TFEB: variants seen among roughly 807,000 people sequenced by gnomAD.
TFEB encodes transcription factor EB.
Under a neutral mutation model 48.0 loss-of-function variants are expected in TFEB, and 12 were observed. The observed-to-expected ratio is 0.25, with a 90% CI of 0.16 to 0.40. The LOEUF (loss-of-function observed/expected upper bound fraction) is 0.40, where lower values mean the gene tolerates loss of function less well. TFEB is among the 10% of genes least tolerant of loss of function. The pLI is 1.00. For missense variants in TFEB, 509 were observed against 640.3 expected (o/e 0.79, Z 2.21); for synonymous variants, 244 against 261.4 (o/e 0.93, Z 0.64).
At chr6:41,733,486 A>G (rs752540614) in intron 1 of TFEB, 19 of 366,156 alleles carry the variant, frequency 5.2e-5, no homozygotes, top group Non-Finnish European at 6.1e-5. Flanking sequence ...GGTAAGCACC[A>G]TTGGCTTCCC....
rs1357535789 is a variant in TFEB, at chr6:41,689,831, A to C, written c.469-20T>G. 5 of 1,608,154 alleles carry C rather than the reference A, an allele frequency of 3.1e-6. No individual in the cohort carries two copies. Among genetic ancestry groups the C allele is most frequent in the Non-Finnish European group, 4.3e-6 (5 of 1,175,238 alleles). On this transcript the variant is annotated intron_variant, in intron 3 of 8. Coordinates refer to ENST00000373033, the MANE Select transcript of TFEB (RefSeq NM_001271944.2). ...ATCCAACTGGAAAAGAGAAAAGTCC[A>C]TCTGGGGAGGGCCCACCACGAGGTG...
chr6:41,687,883 G>A (rs781593328), intron 5 of TFEB, 25 bp downstream of exon 5: 1 of 1,610,832 alleles, frequency 6.2e-7, no homozygotes, highest in Non-Finnish European at 8.5e-7. Flanking sequence ...GTATTCAAAG[G>A]CACAGGGGTA....
At position 41,684,089 on chromosome 6, in the gene TFEB, G is replaced by A. The variant is rs906737653; in HGVS notation, c.*510C>T. Reference sequence around the variant, plus strand: ...GCCCCCGCGCTCACACCACCTGGTGGAGAGCTATTAGCACCAAAGTGGGGG... The same window carrying A: ...GCCCCCGCGCTCACACCACCTGGTGAAGAGCTATTAGCACCAAAGTGGGGG... On this transcript the variant is annotated 3_prime_UTR_variant, in exon 9 of 9. Transcript: ENST00000373033. 4.3e-6 allele frequency: 1 copy of A among 231,946 alleles called. No homozygotes were observed. Among genetic ancestry groups the A allele is most frequent in the Non-Finnish European group, 8.5e-6 (1 of 117,050 alleles). The allele number at this position is 231,946 out of a possible 1,614,324, so 14.4% of individuals were successfully genotyped here. A position where few individuals can be genotyped will look rare whatever the true frequency, so the allele number is the denominator to read the frequency against.
chr6:41,715,949 C>T lies in TFEB; in HGVS notation c.-23+19401G>A, dbSNP rs147707473. Among the ~76,000 whole-genome samples the T allele has an allele frequency of 3.1e-3, 465 of 152,266 alleles. 9 individuals are homozygous for T. The East Asian group carries it at 0.044, about 14-fold the overall frequency. On this transcript the variant is annotated intron_variant, in intron 1 of 8. Coordinates refer to ENST00000373033, the MANE Select transcript of TFEB (RefSeq NM_001271944.2). ...TGGTGCCTGGCTATAACAACTTCCT[C>T]TGAGCCCCACTGCAAGCCTCATCTC...
At chr6:41,704,100 A>C (rs1251410937) in intron 1 of TFEB, among the ~76,000 whole-genome samples, 1 of 152,096 alleles carries the variant, frequency 6.6e-6, no homozygotes, top group East Asian at 1.9e-4. Context: ...TTCCTCTAGA[A>C]CTACTCCCAT....
chr6:41,689,957 G>T, intron 3 of TFEB, 146 bp from the exon 4 acceptor site: 1 of 624,884 alleles, frequency 1.6e-6, no homozygotes, highest in Non-Finnish European at 2.9e-6. Flanking sequence ...TAGGCCCAGA[G>T]AAGAGATGAG....
Position 41,734,443 on chromosome 6 carries a change from G to C in TFEB, c.-23+907C>G. The C allele has an allele frequency of 2.1e-6, 2 of 935,666 alleles. No homozygotes were observed. Among genetic ancestry groups the C allele is most frequent in the South Asian group, 9.9e-5 (2 of 20,256 alleles). The allele number at this position is 935,666 out of a possible 1,614,324, so 58.0% of individuals were successfully genotyped here. A position where few individuals can be genotyped will look rare whatever the true frequency, so the allele number is the denominator to read the frequency against. ...GAGGGGGCCGAGCTGGCATCTGCCC[G>C]CTCCCTTCCAGGAGGCGAGCGGACG... On this transcript the variant is annotated intron_variant, in intron 1 of 8. Transcript: ENST00000373033. This position sits in a 1 kb window ranked among gnomAD's most constrained non-coding sequence, Gnocchi z 4.0.
At chr6:41,689,678 G>A (rs1258547027) in intron 4 of TFEB, 53 bp downstream of exon 4, 7 of 1,435,542 alleles carry the variant, frequency 4.9e-6, no homozygotes, top group Non-Finnish European at 6.9e-6. Flanking sequence ...GCCACAGTGG[G>A]TGCCCCCCTC....
intron 1 of TFEB, 62 bp downstream of exon 1, chr6:41,735,266 CGGGACCCACGGGATAGGGGCCA>C: frequency 1.0e-6 from 1 of 976,048 alleles, no homozygotes; most frequent in Non-Finnish European, 1.2e-6. Flanking sequence ...CACCTGTCTC[CGGGACCCACGGGATAGGGGCCA>C]GGGAGCCTGG....
chr6:41,701,145 A>C (rs1769898801), intron 1 of TFEB, among the ~76,000 whole-genome samples: 1 of 152,186 alleles, frequency 6.6e-6, no homozygotes, highest in Non-Finnish European at 1.5e-5. Flanking sequence ...ACATGCACGC[A>C]CACATGCACA....
At chr6:41,706,991 G>A (rs150291062) in intron 1 of TFEB, among the ~76,000 whole-genome samples, 8 of 152,186 alleles carry the variant, frequency 5.3e-5, no homozygotes, top group African/African-American at 9.6e-5. Flanking sequence ...GAGGAGCATC[G>A]GGAAGTCTGC....
chr6:41,708,189 C>T (rs924402016), intron 1 of TFEB, among the ~76,000 whole-genome samples: 1 of 152,218 alleles, frequency 6.6e-6, no homozygotes, highest in African/African-American at 2.4e-5. Context: ...TCCATGGCAC[C>T]TTGTAGATGC....
Position 41,723,523 on chromosome 6 carries a change from G to A in TFEB, c.-23+11827C>T. 1 of 1,286,208 alleles carries A rather than the reference G, an allele frequency of 7.8e-7. No individual in the cohort carries two copies. 79.7% of individuals were successfully genotyped at this position (1,286,208 alleles called of 1,614,324 possible). On this transcript the variant is annotated intron_variant, in intron 1 of 8. Coordinates refer to ENST00000373033, the MANE Select transcript of TFEB (RefSeq NM_001271944.2). This position sits in a 1 kb window ranked among gnomAD's most constrained non-coding sequence, Gnocchi z 6.0. ...ATGCTCAGCTCCTCCAGGGGCCGGAGCCCAGGGCCGCACCCCAGCCCCAGG... is the reference window on the plus strand; with the variant it reads ...ATGCTCAGCTCCTCCAGGGGCCGGAACCCAGGGCCGCACCCCAGCCCCAGG...
chr6:41,685,220 G>A, intron 8 of TFEB, 142 bp from the exon 9 acceptor site: 1 of 1,146,538 alleles, frequency 8.7e-7, no homozygotes, highest in Non-Finnish European at 1.1e-6. Flanking sequence ...AGAAAGCATA[G>A]GGTAGCTCTA....
rs753072436 is a variant in TFEB, at chr6:41,691,395, G to A, written c.-22-160C>T. The stretch of plus-strand genomic sequence containing the variant: ...AGATTTGCCCAAGGTCACTGAGCAA[G>A]CGGGTGACAGCTGAGACATGAATCC... On this transcript the variant is annotated intron_variant, in intron 1 of 8. Transcript: ENST00000373033. The surrounding 1 kb of genome is among the most constrained non-coding windows in gnomAD (Gnocchi z 5.2). 1.0e-5 allele frequency: 8 copies of A among 782,176 alleles called. No homozygotes were observed. The highest frequency in any genetic ancestry group is 1.8e-5 in the Non-Finnish European group (8 of 445,366). The allele number at this position is 782,176 out of a possible 1,614,324, so 48.5% of individuals were successfully genotyped here.
At chr6:41,696,147 T>C (rs1305923816) in intron 1 of TFEB, among the ~76,000 whole-genome samples, 1 of 152,220 alleles carries the variant, frequency 6.6e-6, no homozygotes, top group Non-Finnish European at 1.5e-5. Context: ...CCTCAAACTA[T>C]TGTCAGCTGA....
intron 4 of TFEB, among the ~76,000 whole-genome samples, chr6:41,688,823 GA>G (rs1769146706): frequency 6.6e-6 from 1 of 152,222 alleles, no homozygotes; most frequent in Non-Finnish European, 1.5e-5. Flanking sequence ...GGGCAGTGGG[GA>G]CAGAGGATTG....
chr6:41,698,172 A>AT (rs1270922396), intron 1 of TFEB, among the ~76,000 whole-genome samples: 1 of 152,192 alleles, frequency 6.6e-6, no homozygotes. Context: ...TATTGTCCCC[A>AT]TTCAAGGAAT....
intron 1 of TFEB, among the ~76,000 whole-genome samples, chr6:41,727,740 GC>G (rs1771272904): frequency 6.6e-6 from 1 of 152,186 alleles, no homozygotes; most frequent in Admixed American, 6.5e-5. Context: ...CAGAGGCACT[GC>G]CCCCAGGTTC....
Sources: gnomAD v4.1 joint callset for allele counts (sites outside exome capture counted in the v4.1 genomes callset) on GRCh38, gnomAD v4.1.1 for gene constraint, Gnocchi (gnomAD v3.1) non-coding constraint, MANE v1.5 for transcripts, NCBI Gene and HGNC (gene_info 2026-07-23, HGNC 2026-07-21) for gene names.